Variants in HAPLN1 observed in about 807,000 individuals in gnomAD.
HAPLN1 encodes the protein hyaluronan and proteoglycan link protein 1.
Under a neutral mutation model 36.5 loss-of-function variants are expected in HAPLN1, and 13 were observed. The observed-to-expected ratio is 0.36, with a 90% CI of 0.23 to 0.57. The LOEUF (loss-of-function observed/expected upper bound fraction) is 0.57. HAPLN1 is among the 20% of genes least tolerant of loss of function. The probability of loss-of-function intolerance (pLI) is 0.83; values close to 1 mark genes in which losing one functional copy is unlikely to be tolerated. For missense variants in HAPLN1, 407 were observed against 439.7 expected (o/e 0.93, Z 0.66); for synonymous variants, 202 against 169.8 (o/e 1.19, Z -1.48).
chr5:83,672,608 C>G (rs1396775322), intron 2 of HAPLN1, among the ~76,000 whole-genome samples: 1 of 152,222 alleles, frequency 6.6e-6, no homozygotes, highest in Non-Finnish European at 1.5e-5. Flanking sequence ...TGAGGCTACG[C>G]TTTTGACCTT....
At chr5:83,691,633 A>G (rs541128341) in intron 1 of HAPLN1, among the ~76,000 whole-genome samples, 1 of 152,126 alleles carries the variant, frequency 6.6e-6, no homozygotes, top group Non-Finnish European at 1.5e-5. Context: ...AACAACGTAT[A>G]GTAATATTTG....
At chr5:83,709,533 T>C (rs2112637141) in intron 1 of HAPLN1, among the ~76,000 whole-genome samples, 1 of 140,230 alleles carries the variant, frequency 7.1e-6, no homozygotes, top group South Asian at 2.2e-4. Flanking sequence ...AGGGAGTGCA[T>C]GTGCTGGTTT....
chr5:83,695,151 G>GTCTC (rs1356603371), intron 1 of HAPLN1, among the ~76,000 whole-genome samples: 1 of 152,096 alleles, frequency 6.6e-6, no homozygotes, highest in African/African-American at 2.4e-5. Flanking sequence ...TTGAAATGGA[G>GTCTC]TCTCACTCTT....
rs563301986 is a variant in HAPLN1 at position 83,668,513 on chromosome 5, G to A, written c.100+4911C>T. Among the ~76,000 whole-genome samples, 9 of 152,346 alleles carry A rather than the reference G, an allele frequency of 5.9e-5. No individual in the cohort carries two copies. The South Asian group carries it at 1.9e-3, about 32-fold the overall frequency. ...AAGTCCTTTTAAGTTCTTAAATTGTGTGAACTATGATTTAGCTGATGCCAA... is the reference window on the plus strand; with the variant it reads ...AAGTCCTTTTAAGTTCTTAAATTGTATGAACTATGATTTAGCTGATGCCAA... On this transcript the variant is annotated intron_variant, in intron 2 of 4. Transcript: ENST00000274341.
chr5:83,678,639 G>T (rs1004181536), intron 1 of HAPLN1, among the ~76,000 whole-genome samples: 4 of 152,108 alleles, frequency 2.6e-5, no homozygotes, highest in East Asian at 1.9e-4. Flanking sequence ...AAGCCAATAC[G>T]ACTGCCCTTA....
intron 3 of HAPLN1, among the ~76,000 whole-genome samples, chr5:83,645,748 T>A (rs568529752): frequency 6.6e-6 from 1 of 152,288 alleles, no homozygotes; most frequent in South Asian, 2.1e-4. Flanking sequence ...CTTATTTTTT[T>A]TCCCTGCCCT....
intron 2 of HAPLN1, among the ~76,000 whole-genome samples, chr5:83,659,322 C>A (rs1038890636): frequency 1.3e-5 from 2 of 151,956 alleles, no homozygotes; most frequent in African/African-American, 4.8e-5. Flanking sequence ...TTTGCTTTCA[C>A]CTGGAAGTTT....
At chr5:83,673,841 CAA>C (rs1244156026) in intron 1 of HAPLN1, 1 of 260,430 alleles carries the variant, frequency 3.8e-6, no homozygotes, top group Non-Finnish European at 7.2e-6. Context: ...CAGCAAGTAA[CAA>C]AGAGATGTGG....
In HAPLN1 at chr5:83,698,844, T is replaced by C. The variant is rs183632165; in HGVS notation, c.-27+21945A>G. ...CCCATAGTATAATCTCTAAAATAAG[T>C]GAAATGAATTTGAACTTCATCAGCA... On this transcript the variant is annotated intron_variant, in intron 1 of 4. Coordinates refer to ENST00000274341, the MANE Select transcript of HAPLN1 (RefSeq NM_001884.4). 2.6e-5 allele frequency among the ~76,000 whole-genome samples: 4 copies of C among 152,340 alleles called. No individual in the cohort carries two copies. In the East Asian group the frequency reaches 7.7e-4, roughly 29 times the overall value.
rs73133866 is a variant in HAPLN1 at position 83,687,979 on chromosome 5, G to A, written c.-26-14430C>T. On this transcript the variant is annotated intron_variant, in intron 1 of 4. Coordinates refer to ENST00000274341, the MANE Select transcript of HAPLN1 (RefSeq NM_001884.4). The stretch of plus-strand genomic sequence containing the variant: ...TCTATGACACAAAATAGGCCATGTG[G>A]GATGAGGTAAATTTGCTTTCATATC... 5.5e-3 allele frequency among the ~76,000 whole-genome samples: 830 copies of A among 152,210 alleles called. 8 individuals are homozygous for A. Among genetic ancestry groups the A allele is most frequent in the African/African-American group, 0.019 (789 of 41,544 alleles).
intron 1 of HAPLN1, among the ~76,000 whole-genome samples, chr5:83,693,286 G>T (rs1389314346): frequency 6.6e-6 from 1 of 151,678 alleles, no homozygotes; most frequent in Non-Finnish European, 1.5e-5. Flanking sequence ...AAAAGTTAAG[G>T]TATATACTAT....
chr5:83,678,070 C>A (rs2112605336), intron 1 of HAPLN1, among the ~76,000 whole-genome samples: 1 of 152,182 alleles, frequency 6.6e-6, no homozygotes, highest in East Asian at 1.9e-4. Flanking sequence ...AATTTGAGAC[C>A]CACTGGGCTA....
At chr5:83,704,808 G>A (rs1751590850) in intron 1 of HAPLN1, among the ~76,000 whole-genome samples, 1 of 152,126 alleles carries the variant, frequency 6.6e-6, no homozygotes, top group East Asian at 1.9e-4. Context: ...GTAATAGTGG[G>A]ACAGTTCAAC....
At chr5:83,673,939 T>C (rs751990140) in intron 1 of HAPLN1, among the ~76,000 whole-genome samples, 36 of 152,222 alleles carry the variant, frequency 2.4e-4, no homozygotes, top group Non-Finnish European at 4.4e-4. Context: ...TGTCTGTATA[T>C]GAGTATCACT....
At position 83,641,369 on chromosome 5, in the gene HAPLN1, G is replaced by T; in HGVS notation, c.*127C>A. The T allele has an allele frequency of 1.5e-6, 1 of 687,300 alleles. No individual in the cohort carries two copies. The highest frequency in any genetic ancestry group is 2.3e-6 in the Non-Finnish European group (1 of 431,620). 42.6% of individuals were successfully genotyped at this position (687,300 alleles called of 1,614,324 possible). On this transcript the variant is annotated 3_prime_UTR_variant, in exon 5 of 5. Coordinates refer to ENST00000274341, the MANE Select transcript of HAPLN1 (RefSeq NM_001884.4). ...TCAATGAATTGATCTTTATGAAAAT[G>T]ACTCTTTACAGTAAGTAAAAAAGGG...
intron 2 of HAPLN1, among the ~76,000 whole-genome samples, chr5:83,662,154 C>T (rs1006011002): frequency 2.0e-5 from 3 of 151,646 alleles, no homozygotes; most frequent in African/African-American, 4.8e-5. Context: ...CTGCCCCCCT[C>T]GGCCTCCCAA....
chr5:83,683,892 C>T (rs555025475), intron 1 of HAPLN1, among the ~76,000 whole-genome samples: 1 of 151,732 alleles, frequency 6.6e-6, no homozygotes, highest in South Asian at 2.1e-4. Context: ...TAACAGTGTA[C>T]ATTCTCAGTA....
intron 1 of HAPLN1, chr5:83,686,050 A>C (rs994496400): frequency 2.7e-5 from 4 of 150,842 alleles, no homozygotes; most frequent in Admixed American, 2.0e-4. Context: ...TTTCCTGCTA[A>C]ATTTCTCTAC....
chr5:83,677,670 G>T lies in HAPLN1; in HGVS notation c.-26-4121C>A, dbSNP rs566567457. Among the ~76,000 whole-genome samples the T allele has an allele frequency of 3.3e-5, 5 of 152,204 alleles. No individual in the cohort carries two copies. In the South Asian group the frequency reaches 6.2e-4, roughly 19 times the overall value. ...TCCAGGTCTCACAACCAGTACAACA[G>T]GTCTCAATTTCTTCACCTACAAAAT... On this transcript the variant is annotated intron_variant, in intron 1 of 4. Transcript: ENST00000274341.
Sources: gnomAD v4.1 joint callset for allele counts (sites outside exome capture counted in the v4.1 genomes callset) on GRCh38, gnomAD v4.1.1 for gene constraint, MANE v1.5 for transcripts, NCBI Gene and HGNC (gene_info 2026-07-23, HGNC 2026-07-21) for gene names.